The following LRRC14 variants were observed in gnomAD, a reference collection of about 807,000 sequenced individuals.
LRRC14 encodes leucine rich repeat containing 14, also known as leucine-rich repeat-containing protein 14.
In LRRC14, 16 loss-of-function variants were observed where a neutral mutation model predicts 25.3. That is an observed-to-expected ratio of 0.63 (90% CI 0.43 to 0.96). The LOEUF is 0.96. Ranked by LOEUF, LRRC14 falls within the 40% of genes least tolerant of loss-of-function variation. LRRC14 has a pLI of 0.00. For synonymous variants in LRRC14, 359 were observed against 295.1 expected (o/e 1.22, Z -2.22); for missense variants, 594 against 660.5 (o/e 0.90, Z 1.10).
chr8:144,519,430 C>T (rs1316773368), intron 1 of LRRC14, 185 bp from the exon 2 acceptor site: 2 of 512,876 alleles, frequency 3.9e-6, no homozygotes, highest in Non-Finnish European at 7.1e-6. Context: ...CATACCCAAG[C>T]AAGCGAGTTG....
Position 144,521,450 on chromosome 8 carries a change from G to T in LRRC14, c.1454G>T (p.Arg485Leu). The change falls in exon 4 of 4, where the codon CGA (arginine) becomes CTA (leucine). Residue 485 changes from arginine to leucine, a missense_variant. Arg to Leu is a moderately radical substitution (Grantham distance 102, BLOSUM62 -2). Transcript: ENST00000292524. ...HVLWTTDIYG[R>L]LAADYFSL ...CTCTGGACCACGGACATCTACGGGC[G>T]ACTGGCTGCGGACTACTTCAGCCTA... is the stretch of plus-strand genomic sequence containing the variant. The T allele has an allele frequency of 6.2e-7, 1 of 1,604,380 alleles. No homozygotes were observed.
At position 144,520,089 on chromosome 8, in the gene LRRC14, G is replaced by A. The variant is rs779961185; in HGVS notation, c.329+35G>A. 2.0e-5 allele frequency: 32 copies of A among 1,585,730 alleles called. No individual in the cohort carries two copies. In the South Asian group the frequency reaches 3.4e-4, roughly 17 times the overall value. The stretch of plus-strand genomic sequence containing the variant: ...TATCTGGAGGGTCGTCAGGCCAGGG[G>A]TGTGTAAGTGGGTCCCCTGAGGAGG... On this transcript the variant is annotated intron_variant, in intron 2 of 3. Transcript: ENST00000292524.
In LRRC14 at chr8:144,524,569, C is replaced by T. The variant is rs1420316705; in HGVS notation, c.*3091C>T. 1.3e-6 allele frequency: 2 copies of T among 1,561,302 alleles called. No individual in the cohort carries two copies. The highest frequency in any genetic ancestry group is 1.4e-5 in the African/African-American group (1 of 73,742). On this transcript the variant is annotated 3_prime_UTR_variant, in exon 4 of 4. Coordinates refer to ENST00000292524, the MANE Select transcript of LRRC14 (RefSeq NM_014665.4). ...CCGCGCAGCCGGTTGCTAGTGAGCG[C>T]CAGCTCCAGCAGGCGCGGCTGCGCG...
chr8:144,520,165 C>A (rs1815904968), intron 2 of LRRC14, 73 bp from the exon 3 acceptor site: 1 of 1,572,918 alleles, frequency 6.4e-7, no homozygotes, highest in East Asian at 2.2e-5. Flanking sequence ...CGCGTTGCTC[C>A]TGTCCCAAGG....
In LRRC14 at chr8:144,522,384, A is replaced by G. The variant is rs925940231; in HGVS notation, c.*906A>G. ...TCGCGCCCCACACACGGCTCAGCGC[A>G]CACTGCGCGGCTTCCACCTTTACTG... On this transcript the variant is annotated 3_prime_UTR_variant, in exon 4 of 4. Coordinates refer to ENST00000292524, the MANE Select transcript of LRRC14 (RefSeq NM_014665.4). The G allele has an allele frequency of 2.9e-6, 4 of 1,360,930 alleles. No homozygotes were observed. Among genetic ancestry groups the G allele is most frequent in the Admixed American group, 3.9e-5 (1 of 25,654 alleles). 84.3% of individuals were successfully genotyped at this position (1,360,930 alleles called of 1,614,324 possible).
Position 144,519,002 on chromosome 8 carries a change from A to T in LRRC14, c.-111-613A>T, listed in dbSNP as rs575200842. Reference sequence around the variant, plus strand: ...GTTTAGGCCAGTGGTAAGGGCCAACAAAGGTGAGGGTTGCTTTCTTTCGGG... The same window carrying T: ...GTTTAGGCCAGTGGTAAGGGCCAACTAAGGTGAGGGTTGCTTTCTTTCGGG... On this transcript the variant is annotated intron_variant, in intron 1 of 3. Coordinates refer to ENST00000292524, the MANE Select transcript of LRRC14 (RefSeq NM_014665.4). Among the ~76,000 whole-genome samples, 3 of 152,322 alleles carry T rather than the reference A, an allele frequency of 2.0e-5. No homozygotes were observed. In the East Asian group the frequency reaches 5.8e-4, roughly 29 times the overall value.
chr8:144,524,970 G>A lies in LRRC14; in HGVS notation c.*3492G>A. 1 of 1,462,284 alleles carries A rather than the reference G, an allele frequency of 6.8e-7. No individual in the cohort carries two copies. Among genetic ancestry groups the A allele is most frequent in the Non-Finnish European group, 9.0e-7 (1 of 1,108,058 alleles). The allele number at this position is 1,462,284 out of a possible 1,614,324, so 90.6% of individuals were successfully genotyped here. On this transcript the variant is annotated 3_prime_UTR_variant, in exon 4 of 4. Coordinates refer to ENST00000292524, the MANE Select transcript of LRRC14 (RefSeq NM_014665.4). The stretch of plus-strand genomic sequence containing the variant: ...CGGCAGCAGTGCGGGGGCCCTCAGG[G>A]CCATCTCCCGAGGCCCGGTTCCTCA...
In LRRC14 at chr8:144,523,854, C is replaced by T; in HGVS notation, c.*2376C>T. ...TGCAATTTTGTCTGCCTCCCCTCAG[C>T]CTAAAAGTGTGCAGAACCCTCAATT... is the stretch of plus-strand genomic sequence containing the variant. On this transcript the variant is annotated 3_prime_UTR_variant, in exon 4 of 4. Coordinates refer to ENST00000292524, the MANE Select transcript of LRRC14 (RefSeq NM_014665.4). The T allele has an allele frequency of 1.9e-6, 1 of 526,308 alleles. No homozygotes were observed. The highest frequency in any genetic ancestry group is 3.3e-6 in the Non-Finnish European group (1 of 298,546). The allele number at this position is 526,308 out of a possible 1,614,324, so 32.6% of individuals were successfully genotyped here.
At position 144,521,598 on chromosome 8, in the gene LRRC14, C is replaced by A; in HGVS notation, c.*120C>A. The stretch of plus-strand genomic sequence containing the variant: ...ACTGGTTACTGGTTTCCTGCTGGGT[C>A]TACCTTGCTTCTGGGCACACCTCAA... On this transcript the variant is annotated 3_prime_UTR_variant, in exon 4 of 4. Coordinates refer to ENST00000292524, the MANE Select transcript of LRRC14 (RefSeq NM_014665.4). The A allele has an allele frequency of 1.2e-5, 13 of 1,073,548 alleles. No individual in the cohort carries two copies. The highest frequency in any genetic ancestry group is 1.6e-5 in the Non-Finnish European group (12 of 765,870). The allele number at this position is 1,073,548 out of a possible 1,614,324, so 66.5% of individuals were successfully genotyped here.
In LRRC14 at chr8:144,523,643, C is replaced by T. The variant is rs139989905; in HGVS notation, c.*2165C>T. ...GATGCCTGCCTGTTACAGATCACTT[C>T]TCCGTCGGTCTCTGAGAAAGCACCT... On this transcript the variant is annotated 3_prime_UTR_variant, in exon 4 of 4. Transcript: ENST00000292524. 1.3e-4 allele frequency: 66 copies of T among 524,338 alleles called. 1 individual carries two copies. Among genetic ancestry groups the T allele is most frequent in the Non-Finnish European group, 1.5e-4 (48 of 326,184 alleles). 32.5% of individuals were successfully genotyped at this position (524,338 alleles called of 1,614,324 possible).
chr8:144,523,955 C>G lies in LRRC14; in HGVS notation c.*2477C>G. The G allele has an allele frequency of 1.2e-6, 1 of 852,976 alleles. No individual in the cohort carries two copies. The highest frequency in any genetic ancestry group is 1.8e-6 in the Non-Finnish European group (1 of 545,678). The allele number at this position is 852,976 out of a possible 1,614,324, so 52.8% of individuals were successfully genotyped here. A position where few individuals can be genotyped will look rare whatever the true frequency, so the allele number is the denominator to read the frequency against. Reference sequence around the variant, plus strand: ...TGCCTGAGCTGTATTCCCCAGCACACCCACTCCCGCAGCCCTCCAGTGTGG... The same window carrying G: ...TGCCTGAGCTGTATTCCCCAGCACAGCCACTCCCGCAGCCCTCCAGTGTGG... On this transcript the variant is annotated 3_prime_UTR_variant, in exon 4 of 4. Coordinates refer to ENST00000292524, the MANE Select transcript of LRRC14 (RefSeq NM_014665.4).
chr8:144,520,325 T>C lies in LRRC14; in HGVS notation c.417T>C (p.Cys139=). 1 of 1,612,504 alleles carries C rather than the reference T, an allele frequency of 6.2e-7. No homozygotes were observed. The highest frequency in any genetic ancestry group is 8.5e-7 in the Non-Finnish European group (1 of 1,179,984). ...CTGGCACCATGAGCATGTGGGACTG[T>C]ACTGCTGCCGTAGCTCGCACATGCA... ...QDPGTMSMWD[C]TAAVARTCIA... Residue 139 remains cysteine (C), a synonymous_variant, in exon 3 of 4, where the codon TGT becomes TGC. Coordinates refer to ENST00000292524, the MANE Select transcript of LRRC14 (RefSeq NM_014665.4).
At position 144,523,162 on chromosome 8, in the gene LRRC14, G is replaced by C. The variant is rs563353077; in HGVS notation, c.*1684G>C. 2 of 1,610,858 alleles carry C rather than the reference G, an allele frequency of 1.2e-6. No individual in the cohort carries two copies. The highest frequency in any genetic ancestry group is 1.7e-5 in the Admixed American group (1 of 59,774). On this transcript the variant is annotated 3_prime_UTR_variant, in exon 4 of 4. Transcript: ENST00000292524. ...TCCAGGTCACCAATGGCTGCGGGTAGCCGGAGGCTTGGCAGGCAACCCGCA... is the reference window on the plus strand; with the variant it reads ...TCCAGGTCACCAATGGCTGCGGGTACCCGGAGGCTTGGCAGGCAACCCGCA...
chr8:144,523,963 C>A lies in LRRC14; in HGVS notation c.*2485C>A, dbSNP rs564080951. The stretch of plus-strand genomic sequence containing the variant: ...CTGTATTCCCCAGCACACCCACTCC[C>A]GCAGCCCTCCAGTGTGGCTGCAGGC... On this transcript the variant is annotated 3_prime_UTR_variant, in exon 4 of 4. Coordinates refer to ENST00000292524, the MANE Select transcript of LRRC14 (RefSeq NM_014665.4). 6 of 929,468 alleles carry A rather than the reference C, an allele frequency of 6.5e-6. No individual in the cohort carries two copies. Among genetic ancestry groups the A allele is most frequent in the African/African-American group, 1.6e-5 (1 of 60,712 alleles). The allele number at this position is 929,468 out of a possible 1,614,324, so 57.6% of individuals were successfully genotyped here.
rs1031232529 is a variant in LRRC14, at chr8:144,519,878, A to G, written c.153A>G (p.Val51=). 1.9e-6 allele frequency: 3 copies of G among 1,613,482 alleles called. No individual in the cohort carries two copies. In the East Asian group the frequency reaches 6.7e-5, roughly 36 times the overall value. ...DKKTVVLREL[V]HTWPFPLLSF... Reference sequence around the variant, plus strand: ...AGACAGTGGTACTGCGCGAGTTGGTACACACGTGGCCCTTCCCGCTGCTCA... The same window carrying G: ...AGACAGTGGTACTGCGCGAGTTGGTGCACACGTGGCCCTTCCCGCTGCTCA... The change falls in exon 2 of 4, where the codon GTA becomes GTG. Residue 51 remains valine (V), a synonymous_variant. Transcript: ENST00000292524.
Position 144,522,234 on chromosome 8 carries a change from A to AC in LRRC14, c.*764dup, listed in dbSNP as rs3834368. On this transcript the variant is annotated 3_prime_UTR_variant, in exon 4 of 4. Transcript: ENST00000292524. ...TGTGGCCGGCCAGGGCCAGCGAGGGACCCCCCCCATGCAGAGCTGGAGGTT... is the reference window on the plus strand; with the variant it reads ...TGTGGCCGGCCAGGGCCAGCGAGGGACCCCCCCCCATGCAGAGCTGGAGGTT... 183,880 of 467,456 alleles carry AC rather than the reference A, an allele frequency of 0.39. 35,358 individuals are homozygous for AC. The highest frequency in any genetic ancestry group is 0.53 in the South Asian group (8,069 of 15,162). 29.0% of individuals were successfully genotyped at this position (467,456 alleles called of 1,614,324 possible).
chr8:144,521,401 C>T lies in LRRC14; in HGVS notation c.1405C>T (p.Leu469=), dbSNP rs187561653. The T allele has an allele frequency of 1.8e-5, 29 of 1,611,680 alleles. No homozygotes were observed. The East Asian group carries it at 6.2e-4, about 35-fold the overall frequency. The change falls in exon 4 of 4, where the codon CTA becomes TTA. Residue 469 remains leucine (L), a synonymous_variant. Coordinates refer to ENST00000292524, the MANE Select transcript of LRRC14 (RefSeq NM_014665.4). ...RVEAELHQLL[L]ASGRAHVLWT... ...AGAAGCTGAGTTGCACCAGCTGCTT[C>T]TAGCCTCAGGCCGTGCCCATGTGCT...
chr8:144,523,575 G>A lies in LRRC14; in HGVS notation c.*2097G>A. 1 of 1,152,734 alleles carries A rather than the reference G, an allele frequency of 8.7e-7. No individual in the cohort carries two copies. Among genetic ancestry groups the A allele is most frequent in the South Asian group, 2.3e-5 (1 of 43,120 alleles). The allele number at this position is 1,152,734 out of a possible 1,614,324, so 71.4% of individuals were successfully genotyped here. ...CTTCCTTGACCCCAAGCTCCTTGGG[G>A]CGGCAGGCCCTTCACCCTCGCCCCC... On this transcript the variant is annotated 3_prime_UTR_variant, in exon 4 of 4. Transcript: ENST00000292524.
rs374419891 is a variant in LRRC14 at position 144,524,299 on chromosome 8, C to G, written c.*2821C>G. ...AGTCGCTGAAGTAAGGACAGCAGAT[C>G]GTGAGGAAAAAGGGCGCCGAGGTTG... is the stretch of plus-strand genomic sequence containing the variant. On this transcript the variant is annotated 3_prime_UTR_variant, in exon 4 of 4. Coordinates refer to ENST00000292524, the MANE Select transcript of LRRC14 (RefSeq NM_014665.4). The G allele has an allele frequency of 6.2e-7, 1 of 1,609,018 alleles. No homozygotes were observed. Among genetic ancestry groups the G allele is most frequent in the South Asian group, 1.1e-5 (1 of 91,054 alleles).
Sources: allele counts gnomAD v4.1 joint callset (sites outside exome capture counted in the v4.1 genomes callset), GRCh38; gene constraint gnomAD v4.1.1; transcripts MANE v1.5; gene names NCBI Gene and HGNC (gene_info 2026-07-23, HGNC 2026-07-21).